The following MYO3A variants were observed in gnomAD, a reference collection of about 807,000 sequenced individuals.
MYO3A encodes myosin-IIIa.
In MYO3A, 180 loss-of-function variants were observed where a neutral mutation model predicts 192.7. That is an observed-to-expected ratio of 0.93 (90% confidence interval 0.83 to 1.06). The LOEUF (loss-of-function observed/expected upper bound fraction) is 1.06, where lower values mean the gene tolerates loss of function less well. Ranked by LOEUF, MYO3A falls within the 50% of genes least tolerant of loss-of-function variation. The probability of loss-of-function intolerance (pLI) is 0.00; values close to 1 mark genes in which losing one functional copy is unlikely to be tolerated. For missense variants in MYO3A, 1,896 were observed against 1,905.0 expected, an observed-to-expected ratio of 1.00 and a Z score of 0.09; for synonymous variants, 628 against 645.3, an observed-to-expected ratio of 0.97 and a Z score of 0.41.
chr10:26,044,224 C>T, intron 10 of MYO3A, among the ~76,000 whole-genome samples: 1 of 152,214 alleles, frequency 6.6e-6, no homozygotes, highest in South Asian at 2.1e-4. Context: ...TAACTCTCCT[C>T]TTCTCAAGTG....
rs1480011287 is a variant in MYO3A at position 26,107,748 on chromosome 10, C to A, written c.1776+11066C>A. Among the ~76,000 whole-genome samples the A allele has an allele frequency of 2.6e-5, 4 of 151,590 alleles. No homozygotes were observed. The South Asian group carries it at 6.2e-4, about 24-fold the overall frequency. On this transcript the variant is annotated intron_variant, in intron 17 of 34. Coordinates refer to ENST00000642920, the MANE Select transcript of MYO3A (RefSeq NM_017433.5). ...TCCTTTCTCATTCCAAATAGAAATTCTCATTTTTGCCCTTACTCTTTTATC... is the reference window on the plus strand; with the variant it reads ...TCCTTTCTCATTCCAAATAGAAATTATCATTTTTGCCCTTACTCTTTTATC...
intron 32 of MYO3A, among the ~76,000 whole-genome samples, chr10:26,197,804 G>C (rs1483040589): frequency 6.6e-6 from 1 of 152,236 alleles, no homozygotes; most frequent in East Asian, 1.9e-4. Flanking sequence ...GACCTCAGGT[G>C]ATCTGCCCGT....
intron 22 of MYO3A, among the ~76,000 whole-genome samples, chr10:26,146,505 T>C (rs1840473006): frequency 6.6e-6 from 1 of 152,176 alleles, no homozygotes; most frequent in African/African-American, 2.4e-5. Flanking sequence ...GAGGCCTCTC[T>C]TCCTGGCTTG....
rs12247318 is a variant in MYO3A at position 25,954,781 on chromosome 10, A to C, written c.169-93A>C. On this transcript the variant is annotated intron_variant, in intron 3 of 34. Coordinates refer to ENST00000642920, the MANE Select transcript of MYO3A (RefSeq NM_017433.5). Reference sequence around the variant, plus strand: ...GTAAAAACTATTATGACCTTGACATAATGAAATTCTGTATTTGGTATTCTA... The same window carrying C: ...GTAAAAACTATTATGACCTTGACATCATGAAATTCTGTATTTGGTATTCTA... 470,809 of 1,334,038 alleles carry C rather than the reference A, an allele frequency of 0.35. 85,872 individuals carry two copies. The highest frequency in any genetic ancestry group is 0.45 in the Middle Eastern group (1,732 of 3,878). 82.6% of individuals were successfully genotyped at this position (1,334,038 alleles called of 1,614,324 possible).
chr10:26,003,587 A>G (rs1182788448), intron 6 of MYO3A, among the ~76,000 whole-genome samples: 1 of 152,212 alleles, frequency 6.6e-6, no homozygotes, highest in Non-Finnish European at 1.5e-5. Flanking sequence ...AATGAAATGT[A>G]TTAGCCATTA....
chr10:26,210,898 G>C (rs1844193869), intron 34 of MYO3A, among the ~76,000 whole-genome samples: 1 of 151,908 alleles, frequency 6.6e-6, no homozygotes, highest in Non-Finnish European at 1.5e-5. Flanking sequence ...ATGGCTCACT[G>C]TCTTCCTTCA....
chr10:26,068,465 C>T (rs1297918701), intron 11 of MYO3A, among the ~76,000 whole-genome samples: 1 of 152,110 alleles, frequency 6.6e-6, no homozygotes, highest in East Asian at 1.9e-4. Context: ...CTTTACATCA[C>T]TTAGTGCTAT....
chr10:25,949,804 C>A (rs973414617), intron 2 of MYO3A, among the ~76,000 whole-genome samples: 8 of 152,054 alleles, frequency 5.3e-5, no homozygotes, highest in African/African-American at 1.9e-4. Flanking sequence ...TTTCGAAGAA[C>A]CCTATTCATT....
chr10:26,105,799 C>T (rs1837764035), intron 17 of MYO3A, among the ~76,000 whole-genome samples: 1 of 151,676 alleles, frequency 6.6e-6, no homozygotes, highest in Admixed American at 6.6e-5. Context: ...TGTGTAGTCT[C>T]CTAGATTTTC....
In MYO3A at chr10:26,094,420, CTTTTTT is replaced by C. The variant is rs965507109; in HGVS notation, c.1563-1944_1563-1939del. ...TACATACTGAAAGAATGAATAATTT[CTTTTTT>C]TTTTTTTTTTTTTTTTGAGATGGAG... is the stretch of plus-strand genomic sequence containing the variant. On this transcript the variant is annotated intron_variant, in intron 15 of 34. Transcript: ENST00000642920. Among the ~76,000 whole-genome samples, 8 of 101,308 alleles carry C rather than the reference CTTTTTT, an allele frequency of 7.9e-5. No individual in the cohort carries two copies. The South Asian group carries it at 1.0e-3, about 13-fold the overall frequency. 66.5% of individuals were successfully genotyped at this position (101,308 alleles called of 152,430 possible).
intron 12 of MYO3A, among the ~76,000 whole-genome samples, chr10:26,069,444 G>C (rs7095982): frequency 0.47 from 72,075 of 151,748 alleles, 17,904 homozygotes; most frequent in Middle Eastern, 0.59. Context: ...AAACAAGGTT[G>C]TTTTTCATTT....
chr10:25,958,431 T>G (rs189704276), intron 4 of MYO3A, among the ~76,000 whole-genome samples: 5 of 152,284 alleles, frequency 3.3e-5, no homozygotes, highest in African/African-American at 9.6e-5. Context: ...GGGCTCTCTG[T>G]TCTGTTCCAT....
chr10:26,192,336 G>T (rs913623144), intron 31 of MYO3A, among the ~76,000 whole-genome samples: 1 of 152,160 alleles, frequency 6.6e-6, no homozygotes, highest in South Asian at 2.1e-4. Context: ...AGAAAGAATA[G>T]ATTAGGCTTT....
intron 6 of MYO3A, among the ~76,000 whole-genome samples, chr10:26,007,544 C>T (rs1379149115): frequency 1.3e-5 from 2 of 152,082 alleles, no homozygotes; most frequent in Non-Finnish European, 2.9e-5. Context: ...TCTCAGGATA[C>T]AAAATCAATG....
At chr10:25,995,947 G>T (rs1438490006) in intron 4 of MYO3A, among the ~76,000 whole-genome samples, 1 of 152,256 alleles carries the variant, frequency 6.6e-6, no homozygotes, top group South Asian at 2.1e-4. Context: ...CAACTCGGGG[G>T]TCAGGGACCC....
At chr10:26,028,737 A>G (rs1349118247) in intron 10 of MYO3A, among the ~76,000 whole-genome samples, 1 of 152,192 alleles carries the variant, frequency 6.6e-6, no homozygotes, top group African/African-American at 2.4e-5. Context: ...GATGAGAGAC[A>G]AAGGACTTTA....
At chr10:25,954,690 A>G (rs886328356) in intron 3 of MYO3A, among the ~76,000 whole-genome samples, 184 bp from the exon 4 acceptor site, 1 of 152,122 alleles carries the variant, frequency 6.6e-6, no homozygotes, top group Non-Finnish European at 1.5e-5. Context: ...CTTGATTAGC[A>G]TGAAAATCAC....
At chr10:26,089,233 T>A (rs1267878291) in intron 15 of MYO3A, among the ~76,000 whole-genome samples, 5 of 152,204 alleles carry the variant, frequency 3.3e-5, no homozygotes, top group Non-Finnish European at 5.9e-5. Flanking sequence ...ATTCAATTCA[T>A]GAGTAAGTCA....
chr10:26,026,571 A>T (rs1842556634), intron 10 of MYO3A, 39 bp downstream of exon 10: 3 of 1,609,844 alleles, frequency 1.9e-6, no homozygotes, highest in Admixed American at 3.3e-5. Flanking sequence ...TCCAGAGATT[A>T]TTGAAAGATT....
Sources: allele counts gnomAD v4.1 joint callset (sites outside exome capture counted in the v4.1 genomes callset), GRCh38; gene constraint gnomAD v4.1.1; transcripts MANE v1.5; gene names NCBI Gene and HGNC (gene_info 2026-07-23, HGNC 2026-07-21).